Variants in SPEF2 observed in about 807,000 individuals in gnomAD.
SPEF2 encodes the protein sperm flagellar and cilia associated 2, also known as sperm flagella and cilia-associated protein 2.
Under a neutral mutation model 224.6 loss-of-function variants are expected in SPEF2, and 187 were observed. The observed-to-expected ratio is 0.83, with a 90% CI of 0.74 to 0.94. The LOEUF (loss-of-function observed/expected upper bound fraction) is 0.94, where lower values mean the gene tolerates loss of function less well. Ranked by LOEUF, SPEF2 falls within the 40% of genes least tolerant of loss-of-function variation. The pLI is 0.00. For missense variants in SPEF2, 2,170 were observed against 2,135.6 expected (o/e 1.02, Z -0.32); for synonymous variants, 715 against 707.3 (o/e 1.01, Z -0.17).
At chr5:35,802,077 G>A (rs940361475) in intron 34 of SPEF2, among the ~76,000 whole-genome samples, 1 of 103,486 alleles carries the variant, frequency 9.7e-6, no homozygotes, top group Non-Finnish European at 1.9e-5. Flanking sequence ...CCCCAAACAG[G>A]GGGGAGCATG....
intron 10 of SPEF2, among the ~76,000 whole-genome samples, chr5:35,680,339 TTCTG>T (rs1464301143): frequency 6.6e-6 from 1 of 152,232 alleles, no homozygotes; most frequent in Non-Finnish European, 1.5e-5. Flanking sequence ...TTTTGCTAGC[TTCTG>T]TCTATGAGGA....
Position 35,700,902 on chromosome 5 carries a change from T to G in SPEF2, c.2398+150T>G. The G allele has an allele frequency of 3.2e-6, 3 of 927,390 alleles. No individual in the cohort carries two copies. In the South Asian group the frequency reaches 5.4e-5, roughly 17 times the overall value. 57.4% of individuals were successfully genotyped at this position (927,390 alleles called of 1,614,324 possible). ...TTATCTAGTTGAGCACAGTTGCCTC[T>G]TGCTTTGACTGTTAGCATTCAGCGC... On this transcript the variant is annotated intron_variant, in intron 16 of 36. Transcript: ENST00000356031.
chr5:35,652,890 T>C (rs1748400509), intron 6 of SPEF2, among the ~76,000 whole-genome samples: 1 of 152,158 alleles, frequency 6.6e-6, no homozygotes. Flanking sequence ...TCCTTATTTT[T>C]TGAATAATAA....
chr5:35,768,890 C>T (rs893208903), intron 26 of SPEF2, among the ~76,000 whole-genome samples: 3 of 152,128 alleles, frequency 2.0e-5, no homozygotes, highest in African/African-American at 7.2e-5. Flanking sequence ...CTTTTTTCTA[C>T]ACAGCAGTTT....
At chr5:35,718,017 T>C (rs73747911) in intron 20 of SPEF2, among the ~76,000 whole-genome samples, 4,259 of 152,196 alleles carry the variant, frequency 0.028, 213 homozygotes, top group African/African-American at 0.097. Flanking sequence ...TGTTTATAGT[T>C]TGATGGCCTG....
intron 1 of SPEF2, among the ~76,000 whole-genome samples, chr5:35,622,057 A>T (rs1252877753): frequency 6.6e-6 from 1 of 152,180 alleles, no homozygotes; most frequent in African/African-American, 2.4e-5. Flanking sequence ...ATATATTAGG[A>T]TATATTAATC....
chr5:35,659,165 A>G lies in SPEF2; in HGVS notation c.1125A>G (p.Glu375=). 6.2e-7 allele frequency: 1 copy of G among 1,612,552 alleles called. No homozygotes were observed. The highest frequency in any genetic ancestry group is 8.5e-7 in the Non-Finnish European group (1 of 1,179,162). Residue 375 remains glutamate (E), a synonymous_variant, in exon 8 of 37, where the codon GAA becomes GAG. Coordinates refer to ENST00000356031, the MANE Select transcript of SPEF2 (RefSeq NM_024867.4). ...TTTTCAGAGAAAAACAACATGAGGA[A>G]AGACGACTTAAAGATTTCCAGGATG... ...NRIFREKQHE[E]RRLKDFQDAL... is the part of the protein sequence containing the mutation.
intron 8 of SPEF2, among the ~76,000 whole-genome samples, chr5:35,664,483 GT>G (rs1750171283): frequency 6.6e-6 from 1 of 152,036 alleles, no homozygotes; most frequent in Non-Finnish European, 1.5e-5. Context: ...GAGGACAAGA[GT>G]TCAAGGCCAA....
chr5:35,697,763 T>G lies in SPEF2; in HGVS notation c.2111T>G (p.Leu704Arg), dbSNP rs1755540095. ...LKKGKSIPDV[L>R]LVDIIVNAIN... is the part of the protein sequence containing the mutation. ...AAAGGAAAGAGCATTCCTGATGTGC[T>G]GCTTGTTGACATCATAGTAAATGCT... The change falls in exon 15 of 37, where the codon CTG becomes CGG. Residue 704 changes from leucine to arginine, a missense_variant. Coordinates refer to ENST00000356031, the MANE Select transcript of SPEF2 (RefSeq NM_024867.4). The G allele has an allele frequency of 1.2e-6, 2 of 1,613,340 alleles. No individual in the cohort carries two copies. Among genetic ancestry groups the G allele is most frequent in the Non-Finnish European group, 1.7e-6 (2 of 1,179,596 alleles).
chr5:35,652,540 T>G (rs1748352719), intron 6 of SPEF2, among the ~76,000 whole-genome samples: 1 of 152,170 alleles, frequency 6.6e-6, no homozygotes, highest in African/African-American at 2.4e-5. Flanking sequence ...CAATCAAAGG[T>G]TGAGCCCCGG....
intron 30 of SPEF2, chr5:35,789,713 A>G (rs1426396049): frequency 3.0e-6 from 2 of 665,024 alleles, no homozygotes; most frequent in Non-Finnish European, 5.4e-6. Flanking sequence ...AAGGTAATCT[A>G]TATGTGCTGA....
At position 35,646,692 on chromosome 5, in the gene SPEF2, A is replaced by G; in HGVS notation, c.611A>G (p.Asn204Ser). Residue 204 changes from asparagine to serine, a missense_variant, in exon 5 of 37, where the codon AAT becomes AGT. Transcript: ENST00000356031. ...EKQYLNRRRQ[N>S]EIMAKIQAAI... ...CAATACTTAAACAGAAGACGACAAA[A>G]TGAAATAATGGCCAAAATCCAAGCA... 1 of 1,613,832 alleles carries G rather than the reference A, an allele frequency of 6.2e-7. No homozygotes were observed.
intron 30 of SPEF2, chr5:35,788,710 C>A: frequency 1.4e-6 from 1 of 702,972 alleles, no homozygotes; most frequent in South Asian, 1.5e-5. Context: ...GAGAGAACAA[C>A]GAGGTGGCCC....
At chr5:35,627,876 T>C (rs1194883594) in intron 1 of SPEF2, among the ~76,000 whole-genome samples, 4 of 152,174 alleles carry the variant, frequency 2.6e-5, no homozygotes, top group Non-Finnish European at 4.4e-5. Flanking sequence ...AGTTTTCCCC[T>C]GGGCTATCTC....
At chr5:35,704,308 C>A (rs1739310369) in intron 16 of SPEF2, among the ~76,000 whole-genome samples, 1 of 152,028 alleles carries the variant, frequency 6.6e-6, no homozygotes, top group African/African-American at 2.4e-5. Context: ...CATAGACAAT[C>A]CTGAGATCCT....
At chr5:35,750,504 A>G (rs1749243384) in intron 23 of SPEF2, among the ~76,000 whole-genome samples, 1 of 152,162 alleles carries the variant, frequency 6.6e-6, no homozygotes, top group Non-Finnish European at 1.5e-5. Flanking sequence ...TCAGTAAGAA[A>G]AAAAGAATCC....
At chr5:35,803,869 A>G (rs1757750778) in intron 34 of SPEF2, among the ~76,000 whole-genome samples, 1 of 152,210 alleles carries the variant, frequency 6.6e-6, no homozygotes, top group African/African-American at 2.4e-5. Context: ...ATTTTATTCA[A>G]TGCGGCTCAG....
chr5:35,738,179 A>T (rs963420366), intron 21 of SPEF2, among the ~76,000 whole-genome samples: 7 of 151,942 alleles, frequency 4.6e-5, no homozygotes, highest in African/African-American at 1.7e-4. Flanking sequence ...GTTCACTCTG[A>T]TGTAGTTTCT....
At chr5:35,715,348 A>G (rs2149612812) in intron 20 of SPEF2, among the ~76,000 whole-genome samples, 1 of 152,212 alleles carries the variant, frequency 6.6e-6, no homozygotes, top group African/African-American at 2.4e-5. Flanking sequence ...GCCAACTTTA[A>G]TGTCCATTGA....
Sources: allele counts gnomAD v4.1 joint callset (sites outside exome capture counted in the v4.1 genomes callset), GRCh38; gene constraint gnomAD v4.1.1; transcripts MANE v1.5; gene names NCBI Gene and HGNC (gene_info 2026-07-23, HGNC 2026-07-21).